PDE11A: variants seen among roughly 807,000 people sequenced by gnomAD.
PDE11A encodes the protein dual 3',5'-cyclic-AMP and -GMP phosphodiesterase 11A.
In PDE11A, 100 loss-of-function variants were observed where a neutral mutation model predicts 100.5. That is an observed-to-expected ratio of 1.00 (90% CI 0.85 to 1.18). The LOEUF (loss-of-function observed/expected upper bound fraction) is 1.18, where lower values mean the gene tolerates loss of function less well. Among genes scored for constraint, PDE11A ranks in the 50% most tolerant of loss-of-function variants. The pLI, the probability that PDE11A is intolerant of heterozygous loss-of-function variation, is 0.00. For synonymous variants in PDE11A, 381 were observed against 420.8 expected, an observed-to-expected ratio of 0.91 and a Z score of 1.16; for missense variants, 1,141 against 1,152.6, an observed-to-expected ratio of 0.99 and a Z score of 0.15.
At position 177,855,337 on chromosome 2, in the gene PDE11A, C is replaced by T. The variant is rs7586771; in HGVS notation, c.1368-14954G>A. On this transcript the variant is annotated intron_variant, in intron 5 of 19. Coordinates refer to ENST00000286063, the MANE Select transcript of PDE11A (RefSeq NM_016953.4). The stretch of plus-strand genomic sequence containing the variant: ...GGCAGAGTAGATCACTGAAAATTTG[C>T]GCCTCCATAAAAGCAGCGAGAATAC... Among the ~76,000 whole-genome samples the T allele has an allele frequency of 6.4e-3, 973 of 152,008 alleles. 10 individuals carry two copies. The highest frequency in any genetic ancestry group is 0.022 in the African/African-American group (901 of 41,490).
chr2:177,757,399 T>C (rs899473824), intron 10 of PDE11A, among the ~76,000 whole-genome samples: 4 of 152,230 alleles, frequency 2.6e-5, no homozygotes, highest in African/African-American at 9.6e-5. Context: ...AGAGGCTTGC[T>C]GTTAACATTC....
rs570956553 is a variant in PDE11A, at chr2:177,816,142, T to A, written c.1737+687A>T. ...AGGAGAATTGCTTGAACCCGGGAGG[T>A]AGAGGTTGCAGTGAGCCGAGATGGC... is the stretch of plus-strand genomic sequence containing the variant. On this transcript the variant is annotated intron_variant, in intron 9 of 19. Transcript: ENST00000286063. 7.3e-4 allele frequency among the ~76,000 whole-genome samples: 110 copies of A among 151,490 alleles called. 1 individual carries two copies. The highest frequency in any genetic ancestry group is 3.4e-3 in the Middle Eastern group (1 of 292).
intron 2 of PDE11A, among the ~76,000 whole-genome samples, chr2:177,945,438 T>G (rs2085400520): frequency 2.5e-5 from 3 of 120,244 alleles, no homozygotes; most frequent in East Asian, 2.6e-4. Context: ...CGGCCGCCCA[T>G]CGTCTGAGAT....
chr2:178,029,222 C>T (rs2086515641), intron 1 of PDE11A, among the ~76,000 whole-genome samples: 1 of 152,082 alleles, frequency 6.6e-6, no homozygotes, highest in South Asian at 2.1e-4. Context: ...TGAAAATTCA[C>T]CAAAAGCTAA....
At chr2:177,838,687 A>C (rs980418303) in intron 6 of PDE11A, among the ~76,000 whole-genome samples, 1 of 152,212 alleles carries the variant, frequency 6.6e-6, no homozygotes, top group South Asian at 2.1e-4. Context: ...GATGGCCTAC[A>C]GGGGAGAAGA....
intron 6 of PDE11A, among the ~76,000 whole-genome samples, chr2:177,831,027 TAA>T (rs2083300375): frequency 6.6e-6 from 1 of 152,178 alleles, no homozygotes; most frequent in South Asian, 2.1e-4. Flanking sequence ...AGTCTGGCCT[TAA>T]AACCATGTAT....
At chr2:177,987,619 G>A (rs2085955628) in intron 2 of PDE11A, among the ~76,000 whole-genome samples, 1 of 152,140 alleles carries the variant, frequency 6.6e-6, no homozygotes, top group African/African-American at 2.4e-5. Context: ...TAAATTGCAG[G>A]ATGAGTAGAA....
At chr2:177,843,218 A>G (rs774740093) in intron 5 of PDE11A, among the ~76,000 whole-genome samples, 4 of 152,214 alleles carry the variant, frequency 2.6e-5, no homozygotes, top group Non-Finnish European at 5.9e-5. Context: ...GAGACCTAGG[A>G]TGCTCAATAA....
intron 19 of PDE11A, among the ~76,000 whole-genome samples, chr2:177,656,319 TA>T: frequency 6.6e-6 from 1 of 152,232 alleles, no homozygotes. Context: ...TTCAGTGCAG[TA>T]AAATGCTGTA....
rs1279033255 is a variant in PDE11A, at chr2:178,102,238, T to C, written c.162+2064A>G. On this transcript the variant is annotated intron_variant, in intron 2 of 20. Coordinates refer to the PDE11A transcript ENST00000358450. ...GCCTCCTGGGTTCAAGCGATTCTCC[T>C]GCCTCAGCCTCCCAAGTAGCTGGGA... Among the ~76,000 whole-genome samples the C allele has an allele frequency of 2.3e-4, 35 of 152,030 alleles. 1 individual carries two copies. The highest frequency in any genetic ancestry group is 2.3e-3 in the Admixed American group (35 of 15,230).
chr2:177,631,534 TATATATATATATACAC>T lies in PDE11A; in HGVS notation c.2647-1988_2647-1973del, dbSNP rs1559117285. ...AAAAATATATATATATATATATATA[TATATATATATATACAC>T]ATGTATATATATATATATACATGTA... On this transcript the variant is annotated intron_variant, in intron 19 of 19. Coordinates refer to ENST00000286063, the MANE Select transcript of PDE11A (RefSeq NM_016953.4). Among the ~76,000 whole-genome samples, 16 of 22,642 alleles carry T rather than the reference TATATATATATATACAC, an allele frequency of 7.1e-4. 1 individual carries two copies. The highest frequency in any genetic ancestry group is 2.6e-3 in the East Asian group (1 of 388). 14.9% of individuals were successfully genotyped at this position (22,642 alleles called of 152,430 possible). A position where few individuals can be genotyped will look rare whatever the true frequency, so the allele number is the denominator to read the frequency against.
Position 178,072,515 on chromosome 2 carries a change from A to G in PDE11A, c.-78T>C. ...CCCCGAGGCCTCTAGCTGTTCCTGC[A>G]CATGTTCACCCCCACCAGTATTCCC... On this transcript the variant is annotated 5_prime_UTR_variant, in exon 1 of 20. Coordinates refer to ENST00000286063, the MANE Select transcript of PDE11A (RefSeq NM_016953.4). 6.3e-7 allele frequency: 1 copy of G among 1,588,412 alleles called. No homozygotes were observed. Among genetic ancestry groups the G allele is most frequent in the Non-Finnish European group, 8.5e-7 (1 of 1,172,752 alleles).
At chr2:177,818,009 G>T in intron 7 of PDE11A, 84 bp from the exon 8 acceptor site, 1 of 759,264 alleles carries the variant, frequency 1.3e-6, no homozygotes. Flanking sequence ...CTAACTCTAT[G>T]CCTTTTTTAA....
chr2:178,067,013 C>T (rs2087056027), intron 1 of PDE11A, among the ~76,000 whole-genome samples: 2 of 152,172 alleles, frequency 1.3e-5, no homozygotes, highest in South Asian at 4.1e-4. Flanking sequence ...GCTTCTCTCC[C>T]TGTTCTGGAT....
intron 1 of PDE11A, among the ~76,000 whole-genome samples, chr2:178,065,990 A>T (rs1448068474): frequency 1.3e-5 from 2 of 151,868 alleles, no homozygotes; most frequent in Non-Finnish European, 2.9e-5. Context: ...TCAGCATATT[A>T]TAATGCATTC....
At chr2:177,959,358 G>C (rs537423563) in intron 2 of PDE11A, among the ~76,000 whole-genome samples, 1 of 152,166 alleles carries the variant, frequency 6.6e-6, no homozygotes, top group Non-Finnish European at 1.5e-5. Context: ...AAAAGTGCCC[G>C]TGGCAGTTTT....
chr2:177,700,400 C>A (rs1162653889), intron 14 of PDE11A, among the ~76,000 whole-genome samples: 9 of 27,590 alleles, frequency 3.3e-4, no homozygotes, highest in African/African-American at 7.6e-4. Flanking sequence ...CCTTCCTGGC[C>A]TCAAAAAAAA....
rs371326170 is a variant in PDE11A, at chr2:177,785,947, T to C, written c.1738-16574A>G. 1.7e-3 allele frequency among the ~76,000 whole-genome samples: 255 copies of C among 152,310 alleles called. 1 individual carries two copies. Among genetic ancestry groups the C allele is most frequent in the Admixed American group, 2.7e-3 (41 of 15,304 alleles). On this transcript the variant is annotated intron_variant, in intron 9 of 19. Transcript: ENST00000286063. ...GCCTGCCTGCCTCTGTAGGCTCCACTTCTGGGGGCAGGGCACAGACAAACA... is the reference window on the plus strand; with the variant it reads ...GCCTGCCTGCCTCTGTAGGCTCCACCTCTGGGGGCAGGGCACAGACAAACA...
chr2:177,786,013 C>A (rs2082531714), intron 9 of PDE11A, among the ~76,000 whole-genome samples: 1 of 152,192 alleles, frequency 6.6e-6, no homozygotes, highest in Non-Finnish European at 1.5e-5. Context: ...ATGTCCCTGT[C>A]TGACAGCTTT....
Sources: gnomAD v4.1 joint callset for allele counts (sites outside exome capture counted in the v4.1 genomes callset) on GRCh38, gnomAD v4.1.1 for gene constraint, MANE v1.5 for transcripts, NCBI Gene and HGNC (gene_info 2026-07-23, HGNC 2026-07-21) for gene names.